Variants in NCK2 observed in about 807,000 individuals in gnomAD.
NCK2 encodes the protein NCK adaptor protein 2, also known as cytoplasmic protein NCK2.
Under a neutral mutation model 33.9 loss-of-function variants are expected in NCK2, and 16 were observed. The ratio of observed to expected loss-of-function variants is 0.47; its 90% CI spans 0.32 to 0.72. The LOEUF (loss-of-function observed/expected upper bound fraction) is 0.72. NCK2 is among the 30% of genes least tolerant of loss of function. NCK2 has a pLI of 0.03. For missense variants in NCK2, 418 were observed against 537.3 expected, an observed-to-expected ratio of 0.78 and a Z score of 2.19; for synonymous variants, 273 against 239.9, an observed-to-expected ratio of 1.14 and a Z score of -1.27.
intron 1 of NCK2, among the ~76,000 whole-genome samples, chr2:105,814,967 G>C (rs1387776039): frequency 6.6e-6 from 1 of 152,242 alleles, no homozygotes; most frequent in South Asian, 2.1e-4. Context: ...CACATACAGA[G>C]GTGGTGTTTG....
chr2:105,755,566 A>C (rs1052015853), intron 1 of NCK2, among the ~76,000 whole-genome samples: 1 of 152,252 alleles, frequency 6.6e-6, no homozygotes, highest in African/African-American at 2.4e-5. Flanking sequence ...TTGCACGTTC[A>C]TGCGTGTGGC....
chr2:105,751,397 C>A (rs13006963), intron 1 of NCK2, among the ~76,000 whole-genome samples: 2 of 151,962 alleles, frequency 1.3e-5, no homozygotes, highest in South Asian at 2.1e-4. Flanking sequence ...GTGACTGCAC[C>A]CTGACAGTCA....
At chr2:105,881,280 G>A (rs548603941) in intron 3 of NCK2, 48 bp from the exon 4 acceptor site, 2 of 1,537,568 alleles carry the variant, frequency 1.3e-6, no homozygotes, top group Admixed American at 3.7e-5. Context: ...AGGGAGTGTG[G>A]TGGTGCCCAA....
chr2:105,838,172 T>C (rs1676503752), intron 2 of NCK2, among the ~76,000 whole-genome samples: 1 of 151,838 alleles, frequency 6.6e-6, no homozygotes, highest in African/African-American at 2.4e-5. Context: ...CACAAGAAAA[T>C]CTTGTGTTCT....
chr2:105,840,968 C>A (rs1024566320), intron 2 of NCK2, among the ~76,000 whole-genome samples: 4 of 150,054 alleles, frequency 2.7e-5, no homozygotes, highest in South Asian at 2.1e-4. Flanking sequence ...TCCTGGCTTC[C>A]CAGAAACAAG....
At chr2:105,835,178 T>C (rs1676343425) in intron 2 of NCK2, among the ~76,000 whole-genome samples, 1 of 151,630 alleles carries the variant, frequency 6.6e-6, no homozygotes, top group Admixed American at 6.6e-5. Context: ...TTTTATACTT[T>C]TGTGTGTTTC....
At chr2:105,746,941 T>C in intron 1 of NCK2, among the ~76,000 whole-genome samples, 1 of 152,182 alleles carries the variant, frequency 6.6e-6, no homozygotes, top group Non-Finnish European at 1.5e-5. Flanking sequence ...TCTGAGCTTC[T>C]TTCCTGCTTC....
At chr2:105,838,471 T>C (rs901877535) in intron 2 of NCK2, among the ~76,000 whole-genome samples, 5 of 152,216 alleles carry the variant, frequency 3.3e-5, no homozygotes, top group African/African-American at 4.8e-5. Flanking sequence ...ATTTCATGAA[T>C]ATTTATGTAT....
chr2:105,762,963 C>A (rs1019813293), intron 1 of NCK2, among the ~76,000 whole-genome samples: 9 of 152,182 alleles, frequency 5.9e-5, no homozygotes, highest in African/African-American at 2.2e-4. Flanking sequence ...GGGAGGCCGA[C>A]GTAGGCGGAT....
At chr2:105,787,206 C>A (rs560496560) in intron 1 of NCK2, among the ~76,000 whole-genome samples, 1 of 152,340 alleles carries the variant, frequency 6.6e-6, no homozygotes, top group East Asian at 1.9e-4. Context: ...GAAGGAAGCT[C>A]AGCTCAGCGC....
chr2:105,775,030 TATA>T (rs951063801), intron 1 of NCK2, among the ~76,000 whole-genome samples: 100 of 151,910 alleles, frequency 6.6e-4, no homozygotes, highest in Middle Eastern at 6.8e-3. Context: ...ATAATAATAA[TATA>T]ATAATAATAA....
intron 1 of NCK2, among the ~76,000 whole-genome samples, chr2:105,798,230 G>A (rs947419278): frequency 2.5e-4 from 38 of 152,176 alleles, no homozygotes; most frequent in African/African-American, 8.0e-4. Context: ...AAAGAGTAAC[G>A]TGTAGGTAAG....
intron 2 of NCK2, among the ~76,000 whole-genome samples, chr2:105,843,448 G>A (rs1676725414): frequency 6.6e-6 from 1 of 151,232 alleles, no homozygotes. Flanking sequence ...AAGGATTCAT[G>A]TGTAAAAAGT....
intron 4 of NCK2, among the ~76,000 whole-genome samples, chr2:105,884,238 T>TC (rs3834120): frequency 0.043 from 6,466 of 152,094 alleles, 196 homozygotes; most frequent in East Asian, 0.14. Flanking sequence ...CTTGTTTTTT[T>TC]CCCACCATCC....
chr2:105,802,374 T>A (rs1674873459), intron 1 of NCK2, among the ~76,000 whole-genome samples: 1 of 152,216 alleles, frequency 6.6e-6, no homozygotes, highest in Non-Finnish European at 1.5e-5. Flanking sequence ...TCTGTCTTAG[T>A]CTGTTTGCAT....
At chr2:105,859,371 C>A (rs551198823) in intron 3 of NCK2, among the ~76,000 whole-genome samples, 1 of 152,130 alleles carries the variant, frequency 6.6e-6, no homozygotes, top group African/African-American at 2.4e-5. Context: ...CCCACCTGCC[C>A]GTGGCTCACC....
At chr2:105,770,147 AAG>A (rs1347851846) in intron 1 of NCK2, among the ~76,000 whole-genome samples, 2 of 151,764 alleles carry the variant, frequency 1.3e-5, no homozygotes, top group Middle Eastern at 3.4e-3. Flanking sequence ...AAAAAAGAAA[AAG>A]GTATATTGCA....
Position 105,804,008 on chromosome 2 carries a change from G to A in NCK2, c.-200-12422G>A, listed in dbSNP as rs562541523. ...GCAAGACAGAGGAGTAAATTAACAC[G>A]TTGAGTGCATCTCTGCCATCCCTCT... On this transcript the variant is annotated intron_variant, in intron 1 of 4. Coordinates refer to ENST00000233154, the MANE Select transcript of NCK2 (RefSeq NM_003581.5). Among the ~76,000 whole-genome samples the A allele has an allele frequency of 5.3e-5, 8 of 152,286 alleles. No individual in the cohort carries two copies. In the East Asian group the frequency reaches 1.4e-3, roughly 26 times the overall value.
intron 1 of NCK2, among the ~76,000 whole-genome samples, chr2:105,751,896 A>T (rs1689466171): frequency 6.6e-6 from 1 of 152,244 alleles, no homozygotes; most frequent in African/African-American, 2.4e-5. Flanking sequence ...CAAGCCCCAG[A>T]TGTAATCATA....
Sources: allele counts gnomAD v4.1 joint callset (sites outside exome capture counted in the v4.1 genomes callset), GRCh38; gene constraint gnomAD v4.1.1; transcripts MANE v1.5; gene names NCBI Gene and HGNC (gene_info 2026-07-23, HGNC 2026-07-21).